Variants in CEP85L observed in about 807,000 individuals in gnomAD.
The protein encoded by CEP85L is centrosomal protein 85L.
A neutral mutation model predicts 100.3 loss-of-function variants in CEP85L; 60 were observed. The observed-to-expected ratio is 0.60, with a 90% confidence interval of 0.49 to 0.74. CEP85L has a LOEUF of 0.74. Ranked by LOEUF, CEP85L falls within the 30% of genes least tolerant of loss-of-function variation. The pLI, the probability that CEP85L is intolerant of heterozygous loss-of-function variation, is 0.00. For synonymous variants in CEP85L, 319 were observed against 322.7 expected, an observed-to-expected ratio of 0.99 and a Z score of 0.12; for missense variants, 973 against 936.2, an observed-to-expected ratio of 1.04 and a Z score of -0.51.
chr6:118,515,395 G>C (rs748211354), intron 4 of CEP85L, among the ~76,000 whole-genome samples: 1 of 151,944 alleles, frequency 6.6e-6, no homozygotes, highest in Non-Finnish European at 1.5e-5. Flanking sequence ...GTACTAAAAG[G>C]AATTTCTAGA....
intron 1 of CEP85L, among the ~76,000 whole-genome samples, chr6:118,669,699 A>G (rs1776237647): frequency 1.3e-5 from 2 of 151,866 alleles, no homozygotes; most frequent in African/African-American, 4.8e-5. Flanking sequence ...TTTCATATCC[A>G]CAGTGAATCT....
intron 2 of CEP85L, among the ~76,000 whole-genome samples, chr6:118,626,936 A>T (rs1773835098): frequency 6.6e-6 from 1 of 152,240 alleles, no homozygotes; most frequent in Non-Finnish European, 1.5e-5. Flanking sequence ...ACAGTGGCTC[A>T]TGCCTGTAAT....
intron 5 of CEP85L, among the ~76,000 whole-genome samples, chr6:118,510,247 G>GA (rs139762108): frequency 4.0e-5 from 6 of 151,552 alleles, no homozygotes; most frequent in Admixed American, 3.3e-4. Context: ...CCTCATTGTA[G>GA]AAAAAATTAC....
intron 3 of CEP85L, among the ~76,000 whole-genome samples, chr6:118,542,208 T>C (rs563124309): frequency 6.6e-6 from 1 of 152,296 alleles, no homozygotes; most frequent in South Asian, 2.1e-4. Context: ...ATTTGTAACA[T>C]ATATTTTTAA....
At chr6:118,609,735 A>G (rs1446824168) in intron 2 of CEP85L, among the ~76,000 whole-genome samples, 1 of 152,206 alleles carries the variant, frequency 6.6e-6, no homozygotes, top group African/African-American at 2.4e-5. Context: ...AATGTACACT[A>G]CAACCTCAGA....
intron 1 of CEP85L, among the ~76,000 whole-genome samples, chr6:118,700,486 A>C (rs1220256563): frequency 6.6e-6 from 1 of 152,238 alleles, no homozygotes; most frequent in Non-Finnish European, 1.5e-5. Flanking sequence ...TGTGATCTAT[A>C]GTTATGCTCT....
At chr6:118,556,163 C>T (rs896080878) in intron 3 of CEP85L, among the ~76,000 whole-genome samples, 13 of 152,238 alleles carry the variant, frequency 8.5e-5, no homozygotes, top group Non-Finnish European at 1.5e-4. Context: ...TGGATATATA[C>T]CCAGTAATGG....
rs560253527 is a variant in CEP85L, at chr6:118,497,630, T to C, written c.1258-5765A>G. Reference sequence around the variant, plus strand: ...CCCTGGTGCCAAAAAGGTTAGGGACTTCTGCTATACACTCTGAAGTTATCC... The same window carrying C: ...CCCTGGTGCCAAAAAGGTTAGGGACCTCTGCTATACACTCTGAAGTTATCC... On this transcript the variant is annotated intron_variant, in intron 5 of 12. Coordinates refer to ENST00000368491, the MANE Select transcript of CEP85L (RefSeq NM_001042475.3). 8.2e-4 allele frequency among the ~76,000 whole-genome samples: 125 copies of C among 152,190 alleles called. 1 individual carries two copies. The highest frequency in any genetic ancestry group is 1.6e-3 in the Non-Finnish European group (112 of 68,032).
At chr6:118,613,271 C>G (rs909444663) in intron 2 of CEP85L, among the ~76,000 whole-genome samples, 7 of 152,026 alleles carry the variant, frequency 4.6e-5, no homozygotes, top group African/African-American at 1.7e-4. Context: ...ACATAGCCTG[C>G]AGACATCTAA....
rs1582835540 is a variant in CEP85L, at chr6:118,464,272, AGTAATACCCT to A, written c.*1123_*1132del. The A allele has an allele frequency of 2.6e-5, 4 of 152,334 alleles. No homozygotes were observed. Among genetic ancestry groups the A allele is most frequent in the African/African-American group, 9.6e-5 (4 of 41,586 alleles). 9.4% of individuals were successfully genotyped at this position (152,334 alleles called of 1,614,324 possible). A position where few individuals can be genotyped will look rare whatever the true frequency, so the allele number is the denominator to read the frequency against. ...TACTGCAAAATCAACTGCATTTCAT[AGTAATACCCT>A]GTAATTCAGATTAAGAACTAATTTC... On this transcript the variant is annotated 3_prime_UTR_variant, in exon 13 of 13. Transcript: ENST00000368491.
At chr6:118,589,996 G>C (rs1469187756) in intron 2 of CEP85L, among the ~76,000 whole-genome samples, 1 of 152,074 alleles carries the variant, frequency 6.6e-6, no homozygotes, top group Non-Finnish European at 1.5e-5. Context: ...CCCCAGATGT[G>C]ACTATTGAGG....
intron 1 of CEP85L, among the ~76,000 whole-genome samples, chr6:118,698,834 T>A (rs1358680586): frequency 6.6e-6 from 1 of 151,396 alleles, no homozygotes; most frequent in Non-Finnish European, 1.5e-5. Context: ...CAATGAAGTA[T>A]AACAGAATAT....
chr6:118,495,858 T>C (rs569110515), intron 5 of CEP85L, among the ~76,000 whole-genome samples: 4 of 152,330 alleles, frequency 2.6e-5, no homozygotes, highest in African/African-American at 9.6e-5. Flanking sequence ...GTCACTGTGG[T>C]ATGCAATCCA....
intron 2 of CEP85L, among the ~76,000 whole-genome samples, chr6:118,630,812 AG>A (rs1774096761): frequency 6.6e-6 from 1 of 152,210 alleles, no homozygotes; most frequent in Non-Finnish European, 1.5e-5. Flanking sequence ...CAGGTGAGTG[AG>A]GGCAGCTGAG....
upstream of CEP85L, among the ~76,000 whole-genome samples, chr6:118,655,269 G>C (rs749292023): frequency 6.6e-6 from 1 of 152,288 alleles, no homozygotes; most frequent in African/African-American, 2.4e-5. Flanking sequence ...CTCCAGAGTT[G>C]GGTTGCAATA....
Position 118,469,225 on chromosome 6 carries a change from G to A in CEP85L, c.2101C>T (p.Leu701Phe). 3.7e-6 allele frequency: 6 copies of A among 1,614,088 alleles called. No homozygotes were observed. The highest frequency in any genetic ancestry group is 1.7e-5 in the Admixed American group (1 of 60,024). The change falls in exon 12 of 13, where the codon CTT becomes TTT. Residue 701 changes from leucine to phenylalanine, a missense_variant. By Grantham distance (22) the Leu-to-Phe change is conservative (BLOSUM62 0). Coordinates refer to ENST00000368491, the MANE Select transcript of CEP85L (RefSeq NM_001042475.3). ...EPDQSRQQTV[L>F]SKRPLFDLTV... Reference sequence around the variant, plus strand: ...AAATCAAATAGTGGCCGTTTGGAAAGAACTGTCTGCTGCCTAGATTGGTCA... The same window carrying A: ...AAATCAAATAGTGGCCGTTTGGAAAAAACTGTCTGCTGCCTAGATTGGTCA...
At chr6:118,577,826 T>C (rs572842057) in intron 2 of CEP85L, among the ~76,000 whole-genome samples, 4 of 152,122 alleles carry the variant, frequency 2.6e-5, no homozygotes, top group Non-Finnish European at 5.9e-5. Context: ...GTTTAGAAAA[T>C]GGAAGGGACT....
intron 2 of CEP85L, among the ~76,000 whole-genome samples, chr6:118,618,523 C>G (rs563760053): frequency 6.6e-6 from 1 of 152,066 alleles, no homozygotes; most frequent in Non-Finnish European, 1.5e-5. Flanking sequence ...GATGAATTTC[C>G]TTTTTTTGGT....
chr6:118,594,495 A>G (rs953228633), intron 2 of CEP85L, among the ~76,000 whole-genome samples: 1 of 152,174 alleles, frequency 6.6e-6, no homozygotes, highest in Non-Finnish European at 1.5e-5. Context: ...AAAAGAAAAA[A>G]CTTAACACTA....
Sources: allele counts gnomAD v4.1 joint callset (sites outside exome capture counted in the v4.1 genomes callset), GRCh38; gene constraint gnomAD v4.1.1; transcripts MANE v1.5; gene names NCBI Gene and HGNC (gene_info 2026-07-23, HGNC 2026-07-21).